Variants in CMSS1 observed in about 807,000 individuals in gnomAD.
CMSS1 encodes protein CMSS1.
CMSS1 carries 33 observed loss-of-function variants against 43.5 expected under a neutral mutation model. That is an observed-to-expected ratio of 0.76 (90% CI 0.57 to 1.01). The LOEUF (loss-of-function observed/expected upper bound fraction) is 1.01, where lower values mean the gene tolerates loss of function less well. Among genes scored for constraint, CMSS1 ranks in the 50% least tolerant of loss-of-function variants. The pLI is 0.00. For synonymous variants in CMSS1, 115 were observed against 117.2 expected (o/e 0.98, Z 0.12); for missense variants, 313 against 326.4 (o/e 0.96, Z 0.32).
At chr3:100,130,740 G>A (rs1177083274) in intron 1 of CMSS1, among the ~76,000 whole-genome samples, 1 of 152,186 alleles carries the variant, frequency 6.6e-6, no homozygotes, top group Non-Finnish European at 1.5e-5. Context: ...ATGTGTAGTT[G>A]TGATAGAGAT....
At chr3:100,095,508 T>A (rs1459000272) in intron 1 of CMSS1, among the ~76,000 whole-genome samples, 1 of 151,898 alleles carries the variant, frequency 6.6e-6, no homozygotes, top group Non-Finnish European at 1.5e-5. Flanking sequence ...ACCGAGAACA[T>A]GCATTGGAGA....
chr3:100,031,735 G>A (rs545230903), intron 1 of CMSS1, among the ~76,000 whole-genome samples: 87 of 152,238 alleles, frequency 5.7e-4, no homozygotes, highest in African/African-American at 2.0e-3. Flanking sequence ...GGAGGACCTT[G>A]TATTTTACGT....
rs536515366 is a variant in CMSS1 at position 99,858,206 on chromosome 3, C to T, written c.64+40163C>T. Among the ~76,000 whole-genome samples the T allele has an allele frequency of 7.9e-5, 12 of 152,278 alleles. No individual in the cohort carries two copies. The South Asian group carries it at 2.3e-3, about 29-fold the overall frequency. ...TAGTGCCAGATGCAGTGGCTCACACCTATAATCCCAGCACTTTGGGAGGCT... is the reference window on the plus strand; with the variant it reads ...TAGTGCCAGATGCAGTGGCTCACACTTATAATCCCAGCACTTTGGGAGGCT... On this transcript the variant is annotated intron_variant, in intron 1 of 9. Coordinates refer to ENST00000421999, the MANE Select transcript of CMSS1 (RefSeq NM_032359.4).
intron 1 of CMSS1, among the ~76,000 whole-genome samples, chr3:99,855,627 A>T (rs1023834015): frequency 1.3e-5 from 2 of 152,214 alleles, no homozygotes; most frequent in Non-Finnish European, 2.9e-5. Context: ...ACACACAAGG[A>T]TTTTTATCAA....
rs1019735637 is a variant in CMSS1 at position 100,180,840 on chromosome 3, A to G, written c.*2452A>G. The G allele has an allele frequency of 2.0e-5, 3 of 152,042 alleles. No homozygotes were observed. Among genetic ancestry groups the G allele is most frequent in the Admixed American group, 2.0e-4 (3 of 15,260 alleles). 9.4% of individuals were successfully genotyped at this position (152,042 alleles called of 1,614,324 possible). ...TGGTACCAATTTTTTGTATTCTTCC[A>G]TTTTTACACTGCTATGAAGAACTAC... On this transcript the variant is annotated 3_prime_UTR_variant, in exon 10 of 10. Coordinates refer to ENST00000421999, the MANE Select transcript of CMSS1 (RefSeq NM_032359.4).
intron 1 of CMSS1, among the ~76,000 whole-genome samples, chr3:99,852,943 A>C (rs1943774687): frequency 6.6e-6 from 1 of 152,148 alleles, no homozygotes; most frequent in Admixed American, 6.5e-5. Context: ...TGAGAACTTA[A>C]CAGGAGGCTG....
Position 99,970,055 on chromosome 3 carries a change from G to A in CMSS1, c.64+152012G>A, listed in dbSNP as rs1049704085. Among the ~76,000 whole-genome samples the A allele has an allele frequency of 3.9e-5, 6 of 152,192 alleles. No individual in the cohort carries two copies. The East Asian group carries it at 9.6e-4, about 24-fold the overall frequency. ...AGGCATTGGCTTAAAATTTGGATAAGCCATATAAACTTGTTGATATTTGAG... is the reference window on the plus strand; with the variant it reads ...AGGCATTGGCTTAAAATTTGGATAAACCATATAAACTTGTTGATATTTGAG... On this transcript the variant is annotated intron_variant, in intron 1 of 9. Transcript: ENST00000421999.
At chr3:99,882,465 A>T (rs920832512) in intron 1 of CMSS1, among the ~76,000 whole-genome samples, 4 of 152,244 alleles carry the variant, frequency 2.6e-5, no homozygotes, top group Admixed American at 6.5e-5. Flanking sequence ...AAATGAACAA[A>T]TTAAGAGTAA....
intron 8 of CMSS1, 84 bp from the exon 9 acceptor site, chr3:100,176,243 A>G: frequency 1.0e-6 from 1 of 956,452 alleles, no homozygotes; most frequent in Non-Finnish European, 1.6e-6. Flanking sequence ...TGAGACAAAA[A>G]GTAACCCGGA....
In CMSS1 at chr3:100,176,378, G is replaced by A; in HGVS notation, c.719G>A (p.Arg240Lys). Residue 240 changes from arginine to lysine, a missense_variant, in exon 9 of 10, where the codon AGA (arginine) becomes AAA (lysine). By Grantham distance (26) the Arg-to-Lys change is conservative (BLOSUM62 2). Coordinates refer to ENST00000421999, the MANE Select transcript of CMSS1 (RefSeq NM_032359.4). ...TTTCTGGTTTTTGACTGGAACTGGAGAGATCAGAAGTTGAGGAGAATGATG... is the reference window on the plus strand; with the variant it reads ...TTTCTGGTTTTTGACTGGAACTGGAAAGATCAGAAGTTGAGGAGAATGATG... ...LKFLVFDWNWRDQKLRRMMDI... is the reference protein window; with the variant it reads ...LKFLVFDWNWKDQKLRRMMDI... 1 of 1,613,788 alleles carries A rather than the reference G, an allele frequency of 6.2e-7. No individual in the cohort carries two copies. The highest frequency in any genetic ancestry group is 1.1e-5 in the South Asian group (1 of 91,064).
In CMSS1 at chr3:99,983,389, A is replaced by AAT. The variant is rs397990626; in HGVS notation, c.65-163555_65-163554dup. Among the ~76,000 whole-genome samples, 268 of 40,728 alleles carry AAT rather than the reference A, an allele frequency of 6.6e-3. 1 individual carries two copies. The highest frequency in any genetic ancestry group is 0.016 in the South Asian group (23 of 1,424). 26.7% of individuals were successfully genotyped at this position (40,728 alleles called of 152,430 possible). Reference sequence around the variant, plus strand: ...TCTCTACTTAAAAAATAAATAAATAAATATATATATATATATATATATATA... The same window carrying AAT: ...TCTCTACTTAAAAAATAAATAAATAAATATATATATATATATATATATATATA... On this transcript the variant is annotated intron_variant, in intron 1 of 9. Transcript: ENST00000421999.
rs775888860 is a variant in CMSS1, at chr3:100,104,390, C to CT, written c.65-42575dup. On this transcript the variant is annotated intron_variant, in intron 1 of 9. Coordinates refer to ENST00000421999, the MANE Select transcript of CMSS1 (RefSeq NM_032359.4). The stretch of plus-strand genomic sequence containing the variant: ...GTTTATTCAATAACTCTGAGCTACA[C>CT]TTTTTTTTACACAAGAAATGTGACC... 9.3e-4 allele frequency among the ~76,000 whole-genome samples: 142 copies of CT among 152,198 alleles called. No homozygotes were observed. The Middle Eastern group carries it at 0.017, about 18-fold the overall frequency.
intron 1 of CMSS1, among the ~76,000 whole-genome samples, chr3:99,833,514 T>C (rs1942773329): frequency 6.6e-6 from 1 of 152,238 alleles, no homozygotes; most frequent in African/African-American, 2.4e-5. Flanking sequence ...TTCCACTTTA[T>C]CATGGAGCAC....
At chr3:99,958,682 A>C (rs960329208) in intron 1 of CMSS1, among the ~76,000 whole-genome samples, 12 of 152,160 alleles carry the variant, frequency 7.9e-5, no homozygotes, top group African/African-American at 2.9e-4. Flanking sequence ...GGGGCAGAGC[A>C]GGCAGTGTGA....
intron 1 of CMSS1, among the ~76,000 whole-genome samples, chr3:100,097,160 C>T (rs771668019): frequency 6.6e-6 from 1 of 152,240 alleles, no homozygotes; most frequent in Non-Finnish European, 1.5e-5. Context: ...ACTGCACATG[C>T]GAGAGATCTA....
chr3:99,846,144 C>A (rs771942492), intron 1 of CMSS1, among the ~76,000 whole-genome samples: 2 of 152,108 alleles, frequency 1.3e-5, no homozygotes, highest in Admixed American at 1.3e-4. Flanking sequence ...GAATGGATTT[C>A]TTCCCTCCCC....
At chr3:100,118,503 T>A (rs1348344821) in intron 1 of CMSS1, among the ~76,000 whole-genome samples, 1 of 152,200 alleles carries the variant, frequency 6.6e-6, no homozygotes, top group Non-Finnish European at 1.5e-5. Flanking sequence ...ACTTTTGAAA[T>A]TAACTTTATG....
chr3:100,024,237 G>A (rs1052758512), intron 1 of CMSS1, among the ~76,000 whole-genome samples: 1 of 152,188 alleles, frequency 6.6e-6, no homozygotes, highest in African/African-American at 2.4e-5. Flanking sequence ...TGCAGTAGAA[G>A]CCTTGGTGTA....
intron 1 of CMSS1, among the ~76,000 whole-genome samples, chr3:99,960,745 A>C (rs1237470281): frequency 6.6e-6 from 1 of 152,156 alleles, no homozygotes; most frequent in Non-Finnish European, 1.5e-5. Flanking sequence ...CTTTGTATGA[A>C]GTAGTATTTT....
Sources: allele counts gnomAD v4.1 joint callset (sites outside exome capture counted in the v4.1 genomes callset), GRCh38; gene constraint gnomAD v4.1.1; transcripts MANE v1.5; gene names NCBI Gene and HGNC (gene_info 2026-07-23, HGNC 2026-07-21).